KIF26B: variants seen among roughly 807,000 people sequenced by gnomAD.
KIF26B encodes the protein kinesin-like protein KIF26B.
A neutral mutation model predicts 151.2 loss-of-function variants in KIF26B; 63 were observed. The ratio of observed to expected loss-of-function variants is 0.42; its 90% CI spans 0.34 to 0.51. KIF26B has a LOEUF of 0.51. Among genes scored for constraint, KIF26B ranks in the 20% least tolerant of loss-of-function variants. The pLI, the probability that KIF26B is intolerant of heterozygous loss-of-function variation, is 0.07. For missense variants in KIF26B, 2,813 were observed against 2,913.6 expected (o/e 0.97, Z 0.79); for synonymous variants, 1,357 against 1,262.1 (o/e 1.08, Z -1.59).
chr1:245,432,872 G>A (rs1389813662), intron 4 of KIF26B, among the ~76,000 whole-genome samples: 1 of 152,112 alleles, frequency 6.6e-6, no homozygotes, highest in Non-Finnish European at 1.5e-5. Context: ...GTTAGAATTC[G>A]GTAAAACCGG....
At chr1:245,324,232 G>A (rs966458524) in intron 2 of KIF26B, among the ~76,000 whole-genome samples, 7 of 152,202 alleles carry the variant, frequency 4.6e-5, no homozygotes, top group African/African-American at 1.7e-4. Flanking sequence ...GTTGATGTGG[G>A]TTCTGCACAG....
At chr1:245,424,351 T>A (rs2103038365) in intron 4 of KIF26B, among the ~76,000 whole-genome samples, 1 of 152,346 alleles carries the variant, frequency 6.6e-6, no homozygotes, top group Admixed American at 6.5e-5. Context: ...TTTCATCATG[T>A]TGCCCAGGCT....
intron 2 of KIF26B, among the ~76,000 whole-genome samples, chr1:245,328,761 T>G (rs563551464): frequency 2.6e-5 from 4 of 152,300 alleles, no homozygotes; most frequent in African/African-American, 9.6e-5. Flanking sequence ...AGGGCTGTTC[T>G]TTTACAAGGA....
intron 4 of KIF26B, among the ~76,000 whole-genome samples, chr1:245,472,040 C>T (rs1253043912): frequency 6.6e-6 from 1 of 152,208 alleles, no homozygotes; most frequent in Non-Finnish European, 1.5e-5. Flanking sequence ...GATCCGCCCA[C>T]CTCGGCTTCT....
intron 2 of KIF26B, among the ~76,000 whole-genome samples, chr1:245,185,447 G>T (rs1022884497): frequency 6.6e-6 from 1 of 152,202 alleles, no homozygotes; most frequent in Non-Finnish European, 1.5e-5. Flanking sequence ...AGGGAGGGGG[G>T]TCTGGATAAA....
chr1:245,456,178 C>G (rs1292228138), intron 4 of KIF26B, among the ~76,000 whole-genome samples: 1 of 151,878 alleles, frequency 6.6e-6, no homozygotes, highest in African/African-American at 2.4e-5. Context: ...GAACATTTAC[C>G]TGTGTCATTT....
At chr1:245,220,717 A>G (rs927670191) in intron 2 of KIF26B, among the ~76,000 whole-genome samples, 3 of 152,180 alleles carry the variant, frequency 2.0e-5, no homozygotes, top group African/African-American at 4.8e-5. Context: ...ACTACCAGAA[A>G]CACCAGCATT....
At chr1:245,278,231 G>T (rs931440965) in intron 2 of KIF26B, among the ~76,000 whole-genome samples, 5 of 152,130 alleles carry the variant, frequency 3.3e-5, no homozygotes, top group Admixed American at 6.5e-5. Flanking sequence ...TACCTGTATT[G>T]TTTCCCATGT....
chr1:245,583,375 G>A (rs1397516935), intron 5 of KIF26B, among the ~76,000 whole-genome samples: 7 of 152,070 alleles, frequency 4.6e-5, no homozygotes, highest in Non-Finnish European at 7.4e-5. Flanking sequence ...TTTTTCACTG[G>A]AGCCTGAAAC....
At chr1:245,344,455 A>ACTGCACTCCAGCCTGGGTGACTGAG (rs2102997380) in intron 2 of KIF26B, among the ~76,000 whole-genome samples, 2 of 140,838 alleles carry the variant, frequency 1.4e-5, no homozygotes, top group Admixed American at 7.7e-5. Flanking sequence ...AGATCGCGCC[A>ACTGCACTCCAGCCTGGGTGACTGAG]CTGCACTCCA....
intron 3 of KIF26B, among the ~76,000 whole-genome samples, chr1:245,404,880 G>A (rs1406672208): frequency 1.3e-5 from 2 of 152,144 alleles, no homozygotes; most frequent in African/African-American, 4.8e-5. Flanking sequence ...GTTTAGTTTT[G>A]TATCTTCTGA....
chr1:245,464,720 G>C (rs1436998067), intron 4 of KIF26B, among the ~76,000 whole-genome samples: 3 of 152,062 alleles, frequency 2.0e-5, no homozygotes, highest in Non-Finnish European at 2.9e-5. Flanking sequence ...CTGGCACACG[G>C]TGTTTTTGAC....
At position 245,294,914 on chromosome 1, in the gene KIF26B, C is replaced by T. The variant is rs1437145726; in HGVS notation, c.466-71920C>T. Reference sequence around the variant, plus strand: ...CTGATCTCAAGTGATCCACCTGCCTCGGCCTCCCAAAGTGCTGGGATTACA... The same window carrying T: ...CTGATCTCAAGTGATCCACCTGCCTTGGCCTCCCAAAGTGCTGGGATTACA... On this transcript the variant is annotated intron_variant, in intron 2 of 14. Coordinates refer to ENST00000407071, the MANE Select transcript of KIF26B (RefSeq NM_018012.4). 8.5e-5 allele frequency among the ~76,000 whole-genome samples: 13 copies of T among 152,130 alleles called. No individual in the cohort carries two copies. In the South Asian group the frequency reaches 1.0e-3, roughly 12 times the overall value.
At chr1:245,408,980 T>A (rs1674207303) in intron 3 of KIF26B, among the ~76,000 whole-genome samples, 1 of 152,212 alleles carries the variant, frequency 6.6e-6, no homozygotes. Flanking sequence ...GTGATAATGA[T>A]GATCTATGAG....
intron 2 of KIF26B, among the ~76,000 whole-genome samples, chr1:245,361,525 G>T (rs1391882634): frequency 6.6e-6 from 1 of 152,204 alleles, no homozygotes; most frequent in African/African-American, 2.4e-5. Flanking sequence ...CTGGGTGAAG[G>T]GCTGTGGGCT....
At chr1:245,656,988 G>A (rs1024849263) in intron 10 of KIF26B, among the ~76,000 whole-genome samples, 2 of 152,128 alleles carry the variant, frequency 1.3e-5, no homozygotes, top group African/African-American at 2.4e-5. Context: ...ATAACAAAAG[G>A]AGAACCACAG....
intron 5 of KIF26B, among the ~76,000 whole-genome samples, chr1:245,594,962 CTCTG>C (rs202196474): frequency 0.1 from 15,680 of 152,042 alleles, 952 homozygotes; most frequent in Middle Eastern, 0.17. Context: ...TGATTTGGCT[CTCTG>C]TCTATTACTG....
At chr1:245,604,502 A>C (rs2043429163) in intron 6 of KIF26B, among the ~76,000 whole-genome samples, 1 of 152,196 alleles carries the variant, frequency 6.6e-6, no homozygotes, top group Admixed American at 6.5e-5. Flanking sequence ...GTGGCATATC[A>C]CCCAATGGGC....
chr1:245,619,640 G>A lies in KIF26B; in HGVS notation c.2098+7664G>A, dbSNP rs577965472. Among the ~76,000 whole-genome samples, 526 of 148,416 alleles carry A rather than the reference G, an allele frequency of 3.5e-3. 6 individuals are homozygous for A. Among genetic ancestry groups the A allele is most frequent in the African/African-American group, 0.012 (481 of 40,588 alleles). On this transcript the variant is annotated intron_variant, in intron 9 of 14. Transcript: ENST00000407071. ...AAAAAAAAGAATCTCTGGGCTGGGC[G>A]TGGTGGCTCACACTGTAATCCCAGC...
Sources: gnomAD v4.1 joint callset for allele counts (sites outside exome capture counted in the v4.1 genomes callset) on GRCh38, gnomAD v4.1.1 for gene constraint, MANE v1.5 for transcripts, NCBI Gene and HGNC (gene_info 2026-07-23, HGNC 2026-07-21) for gene names.